Variants in ADA observed in about 807,000 individuals in gnomAD.
ADA encodes the protein adenosine aminohydrolase.
In ADA, 45 loss-of-function variants were observed where a neutral mutation model predicts 49.0. The ratio of observed to expected loss-of-function variants is 0.92; its 90% confidence interval spans 0.72 to 1.18. The LOEUF (loss-of-function observed/expected upper bound fraction) is 1.18, where lower values mean the gene tolerates loss of function less well. ADA is among the 50% of genes most tolerant of loss of function. ADA has a pLI of 0.00. For missense variants in ADA, 445 were observed against 472.5 expected (o/e 0.94, Z 0.54); for synonymous variants, 173 against 184.2 (o/e 0.94, Z 0.49).
intron 9 of ADA, among the ~76,000 whole-genome samples, chr20:44,621,587 CTTG>C (rs1568842795): frequency 2.6e-5 from 4 of 152,202 alleles, no homozygotes; most frequent in African/African-American, 7.2e-5. Context: ...TGACCACCAT[CTTG>C]TTGTATCTAA....
chr20:44,623,050 G>A lies in ADA; in HGVS notation c.635C>T (p.Thr212Ile). ...CGAGCCCACCTCCCCGGCGTGGACA[G>A]TACGGTGAATGCCGCTCTTCACAGC... ...QEAVKSGIHRTVHAGEVGSAE... is the reference protein window; with the variant it reads ...QEAVKSGIHRIVHAGEVGSAE... The change falls in exon 7 of 12, where the codon ACT becomes ATT. Residue 212 changes from threonine to isoleucine, a missense_variant. Coordinates refer to ENST00000372874, the MANE Select transcript of ADA (RefSeq NM_000022.4). The A allele has an allele frequency of 5.6e-6, 9 of 1,614,154 alleles. No homozygotes were observed. The highest frequency in any genetic ancestry group is 7.6e-6 in the Non-Finnish European group (9 of 1,180,006).
intron 2 of ADA, among the ~76,000 whole-genome samples, chr20:44,634,349 G>A (rs1316749887): frequency 6.6e-6 from 1 of 152,194 alleles, no homozygotes; most frequent in African/African-American, 2.4e-5. Flanking sequence ...GACATTTATG[G>A]AGCACATTAA....
At chr20:44,635,075 C>T (rs547942136) in intron 2 of ADA, among the ~76,000 whole-genome samples, 2 of 152,348 alleles carry the variant, frequency 1.3e-5, no homozygotes, top group East Asian at 3.9e-4. Context: ...AGTTCGCAGA[C>T]AGGAGATAAT....
Position 44,625,686 on chromosome 20 carries a change from T to A in ADA, c.363-2A>T. 6.4e-7 allele frequency: 1 copy of A among 1,557,384 alleles called. No homozygotes were observed. The highest frequency in any genetic ancestry group is 2.4e-5 in the East Asian group (1 of 41,764). On this transcript the variant is annotated splice_acceptor_variant, in intron 4 of 11. Coordinates refer to ENST00000372874, the MANE Select transcript of ADA (RefSeq NM_000022.4). LOFTEE classifies it high-confidence loss of function. ...ACCTCGTCTGGGGTGAGGTCCCCTC[T>A]GTGTGAGGAGAGGAGTAGGGATGGG... is the stretch of plus-strand genomic sequence containing the variant.
chr20:44,622,774 T>C (rs1160021651), intron 8 of ADA, 55 bp downstream of exon 8: 2 of 1,613,948 alleles, frequency 1.2e-6, no homozygotes, highest in Non-Finnish European at 1.7e-6. Context: ...TGCCTCTCTA[T>C]ACAGGAAGTT....
At chr20:44,639,714 A>G (rs951436064) in intron 1 of ADA, among the ~76,000 whole-genome samples, 9 of 152,052 alleles carry the variant, frequency 5.9e-5, no homozygotes, top group African/African-American at 2.2e-4. Flanking sequence ...TGCCCAGCCA[A>G]CTGGAGATGC....
In ADA at chr20:44,627,183, C is replaced by CT. The variant is rs35587028; in HGVS notation, c.219-585dup. ...GAGAGGCCTTCCCTGACCACCTTAT[C>CT]TTTTTTTTTTTTTTTTGAGACAGAA... is the stretch of plus-strand genomic sequence containing the variant. On this transcript the variant is annotated intron_variant, in intron 3 of 11. Transcript: ENST00000372874. 6.3e-3 allele frequency among the ~76,000 whole-genome samples: 883 copies of CT among 140,670 alleles called. 11 individuals carry two copies. Among genetic ancestry groups the CT allele is most frequent in the African/African-American group, 0.016 (611 of 38,388 alleles). 92.3% of individuals were successfully genotyped at this position (140,670 alleles called of 152,430 possible).
chr20:44,626,802 C>A (rs1358439749), intron 3 of ADA, among the ~76,000 whole-genome samples: 1 of 152,170 alleles, frequency 6.6e-6, no homozygotes, highest in Non-Finnish European at 1.5e-5. Context: ...TCTCACCCCT[C>A]CATCCTGGCC....
In ADA at chr20:44,646,218, C is replaced by T. The variant is rs530599606; in HGVS notation, c.33+5357G>A. Among the ~76,000 whole-genome samples the T allele has an allele frequency of 2.4e-4, 36 of 152,302 alleles. No individual in the cohort carries two copies. The South Asian group carries it at 6.4e-3, about 27-fold the overall frequency. On this transcript the variant is annotated intron_variant, in intron 1 of 11. Coordinates refer to ENST00000372874, the MANE Select transcript of ADA (RefSeq NM_000022.4). Reference sequence around the variant, plus strand: ...GGAAGCTGCCTGGCCTCCCCTGCCTCCCTGTGTGAACACAGACCACTTCCT... The same window carrying T: ...GGAAGCTGCCTGGCCTCCCCTGCCTTCCTGTGTGAACACAGACCACTTCCT...
chr20:44,646,703 C>T (rs1322036786), intron 1 of ADA, among the ~76,000 whole-genome samples: 2 of 152,042 alleles, frequency 1.3e-5, no homozygotes, highest in Admixed American at 6.6e-5. Flanking sequence ...AGCTGCTAAG[C>T]GGCAGGCAGG....
rs1568845627 is a variant in ADA, at chr20:44,625,695, AGAG to A, written c.363-14_363-12del. 1 of 1,552,374 alleles carries A rather than the reference AGAG, an allele frequency of 6.4e-7. No homozygotes were observed. The highest frequency in any genetic ancestry group is 1.2e-5 in the South Asian group (1 of 84,324). On this transcript the variant is annotated splice_polypyrimidine_tract_variant and intron_variant, in intron 4 of 11. Coordinates refer to ENST00000372874, the MANE Select transcript of ADA (RefSeq NM_000022.4). ...GGGGTGAGGTCCCCTCTGTGTGAGGAGAGGAGTAGGGATGGGCCTGAGGCAAAA... is the reference window on the plus strand; with the variant it reads ...GGGGTGAGGTCCCCTCTGTGTGAGGAGAGTAGGGATGGGCCTGAGGCAAAA...
intron 8 of ADA, 64 bp downstream of exon 8, chr20:44,622,765 G>A (rs2065344196): frequency 2.5e-6 from 4 of 1,613,962 alleles, no homozygotes; most frequent in East Asian, 2.2e-5. Flanking sequence ...CCTGCTTTCT[G>A]CCTCTCTATA....
intron 1 of ADA, among the ~76,000 whole-genome samples, chr20:44,643,652 C>G (rs1600945865): frequency 1.3e-5 from 2 of 152,248 alleles, no homozygotes; most frequent in African/African-American, 4.8e-5. Context: ...CAGGCCACAC[C>G]CCCTCCCTGG....
At chr20:44,650,289 C>G (rs887421775) in intron 1 of ADA, among the ~76,000 whole-genome samples, 3 of 152,200 alleles carry the variant, frequency 2.0e-5, no homozygotes, top group African/African-American at 7.2e-5. Flanking sequence ...GTAGTGGGGG[C>G]CAGGCCTCAC....
chr20:44,620,881 G>A (rs2065323681), intron 10 of ADA, 137 bp downstream of exon 10: 2 of 1,178,094 alleles, frequency 1.7e-6, no homozygotes, highest in East Asian at 2.3e-5. Flanking sequence ...TCTGTGGAAA[G>A]TGTCTAGGTT....
chr20:44,639,297 T>G (rs59414401), intron 1 of ADA, among the ~76,000 whole-genome samples: 6,680 of 152,034 alleles, frequency 0.044, 163 homozygotes, highest in African/African-American at 0.066. Context: ...TCCCGCAGTT[T>G]GAGACAGAGA....
chr20:44,636,898 T>C (rs900367103), intron 1 of ADA, among the ~76,000 whole-genome samples: 4 of 152,196 alleles, frequency 2.6e-5, no homozygotes, highest in African/African-American at 9.6e-5. Context: ...CTCCACCTCC[T>C]GGGTTCAAGC....
At chr20:44,621,386 G>A (rs962001066) in intron 9 of ADA, among the ~76,000 whole-genome samples, 8 of 152,194 alleles carry the variant, frequency 5.3e-5, no homozygotes, top group Non-Finnish European at 1.2e-4. Flanking sequence ...AGGCAGCAGA[G>A]GGGCCAGACA....
At chr20:44,619,874 A>C in intron 11 of ADA, 27 bp from the exon 12 acceptor site, 1 of 1,614,176 alleles carries the variant, frequency 6.2e-7, no homozygotes, top group South Asian at 1.1e-5. Flanking sequence ...AGAAGCAAAA[A>C]GATCAGGCAA....
Sources: allele counts gnomAD v4.1 joint callset (sites outside exome capture counted in the v4.1 genomes callset), GRCh38; gene constraint gnomAD v4.1.1; transcripts MANE v1.5; gene names NCBI Gene and HGNC (gene_info 2026-07-23, HGNC 2026-07-21).